TLN2: variants seen among roughly 807,000 people sequenced by gnomAD.
TLN2 encodes the protein talin 2.
TLN2 carries 118 observed loss-of-function variants against 294.7 expected under a neutral mutation model. That is an observed-to-expected ratio of 0.40 (90% confidence interval 0.34 to 0.47). The LOEUF (loss-of-function observed/expected upper bound fraction) is 0.47, where lower values mean the gene tolerates loss of function less well. Ranked by LOEUF, TLN2 falls within the 20% of genes least tolerant of loss-of-function variation. TLN2 has a pLI of 0.84. For missense variants in TLN2, 3,083 were observed against 3,282.2 expected (o/e 0.94, Z 1.48); for synonymous variants, 1,431 against 1,304.5 (o/e 1.10, Z -2.09).
At chr15:62,768,155 G>A (rs1266482963) in intron 41 of TLN2, among the ~76,000 whole-genome samples, 1 of 152,162 alleles carries the variant, frequency 6.6e-6, no homozygotes, top group African/African-American at 2.4e-5. Flanking sequence ...CAGCACCTGG[G>A]AGTGATAAGA....
rs914008998 is a variant in TLN2, at chr15:62,681,625, A to G, written c.958-5016A>G. ...AATTTACACCTGTGTGAGGAATAGT[A>G]GAAACTTATATGACCTTAGGGAAAG... On this transcript the variant is annotated intron_variant, in intron 11 of 58. Coordinates refer to ENST00000636159, the MANE Select transcript of TLN2 (RefSeq NM_015059.3). Among the ~76,000 whole-genome samples, 5 of 152,348 alleles carry G rather than the reference A, an allele frequency of 3.3e-5. No homozygotes were observed. The Middle Eastern group carries it at 0.01, about 311-fold the overall frequency.
intron 1 of TLN2, among the ~76,000 whole-genome samples, chr15:62,428,138 T>C (rs2034818851): frequency 6.6e-6 from 1 of 152,208 alleles, no homozygotes; most frequent in Non-Finnish European, 1.5e-5. Context: ...ATTTATTTAT[T>C]GGAAGACAAA....
Position 62,838,957 on chromosome 15 carries a change from C to T in TLN2, c.7476C>T (p.Thr2492=). The change falls in exon 58 of 59, where the codon ACC becomes ACT. Residue 2492 remains threonine (T), a synonymous_variant. Transcript: ENST00000636159. The part of the protein sequence containing the change: ...KADDDDVVVK[T]KFVGGIAQII... ...ATGACGACGATGTTGTAGTGAAAAC[C>T]AAGTTTGTGGGGGGCATTGCTCAGG... 6.2e-7 allele frequency: 1 copy of T among 1,614,070 alleles called. No individual in the cohort carries two copies. Among genetic ancestry groups the T allele is most frequent in the Non-Finnish European group, 8.5e-7 (1 of 1,179,976 alleles).
chr15:62,517,282 C>A (rs1018062900), intron 1 of TLN2, among the ~76,000 whole-genome samples: 1 of 152,192 alleles, frequency 6.6e-6, no homozygotes, highest in East Asian at 1.9e-4. Context: ...TGTCCTCTTC[C>A]TTTTCCTTCA....
At chr15:62,759,163 C>G (rs968874775) in intron 37 of TLN2, among the ~76,000 whole-genome samples, 3 of 152,198 alleles carry the variant, frequency 2.0e-5, no homozygotes, top group African/African-American at 7.2e-5. Flanking sequence ...TGAAATGTCA[C>G]CACTGGGCAG....
chr15:62,712,671 A>G (rs1296829187), intron 22 of TLN2, among the ~76,000 whole-genome samples: 5 of 152,198 alleles, frequency 3.3e-5, no homozygotes, highest in Admixed American at 1.3e-4. Context: ...TAAAATGCAC[A>G]TGCCTCAGTT....
intron 1 of TLN2, among the ~76,000 whole-genome samples, chr15:62,569,876 T>G (rs1462482052): frequency 6.6e-6 from 1 of 152,244 alleles, no homozygotes; most frequent in East Asian, 1.9e-4. Context: ...GGGTTATATT[T>G]CAGGGTTAAT....
intron 1 of TLN2, among the ~76,000 whole-genome samples, chr15:62,578,527 C>G: frequency 6.6e-6 from 1 of 152,282 alleles, no homozygotes; most frequent in East Asian, 1.9e-4. Context: ...GATTGCGCCA[C>G]TGCACCCCAG....
chr15:62,618,273 G>A (rs1320645003), intron 2 of TLN2, 78 bp from the exon 3 acceptor site: 5 of 152,184 alleles, frequency 3.3e-5, no homozygotes, highest in African/African-American at 9.7e-5. Context: ...CAACTTCAGT[G>A]ACTGTTTTCT....
At chr15:62,737,201 T>G in intron 29 of TLN2, 115 bp downstream of exon 29, 3 of 1,086,944 alleles carry the variant, frequency 2.8e-6, no homozygotes, top group Non-Finnish European at 4.0e-6. Context: ...GCAGATGTTT[T>G]CAGAAACTTC....
chr15:62,737,609 G>C (rs920067900), intron 29 of TLN2, among the ~76,000 whole-genome samples: 1 of 152,202 alleles, frequency 6.6e-6, no homozygotes, highest in African/African-American at 2.4e-5. Context: ...CACCTCCAAA[G>C]ACCTTCCTTT....
At chr15:62,703,090 A>G (rs976887491) in intron 19 of TLN2, among the ~76,000 whole-genome samples, 5 of 151,084 alleles carry the variant, frequency 3.3e-5, no homozygotes, top group African/African-American at 1.2e-4. Flanking sequence ...TAAAGCACGT[A>G]TTTAGCTTTC....
intron 57 of TLN2, among the ~76,000 whole-genome samples, chr15:62,837,457 A>C (rs947641810): frequency 2.6e-5 from 4 of 152,294 alleles, no homozygotes; most frequent in Non-Finnish European, 4.4e-5. Context: ...AGCCATCCAC[A>C]CTGACTCTTA....
chr15:62,719,864 G>T lies in TLN2; in HGVS notation c.2975G>T (p.Ser992Ile). The T allele has an allele frequency of 6.2e-7, 1 of 1,610,244 alleles. No homozygotes were observed. The highest frequency in any genetic ancestry group is 8.5e-7 in the Non-Finnish European group (1 of 1,178,154). Residue 992 changes from serine (S) to isoleucine (I), a missense_variant, in exon 25 of 59, where the codon AGC becomes ATC. Physicochemically the swap from Ser to Ile is moderately radical, Grantham distance 142. Transcript: ENST00000636159. ...LSAQLALIISSQNFLQPGSKM... is the reference protein window; with the variant it reads ...LSAQLALIISIQNFLQPGSKM... Reference sequence around the variant, plus strand: ...GCCCAGCTGGCTCTCATCATCTCCAGCCAGAACTTCCTCCAGGTAACAGGG... The same window carrying T: ...GCCCAGCTGGCTCTCATCATCTCCATCCAGAACTTCCTCCAGGTAACAGGG...
intron 3 of TLN2, among the ~76,000 whole-genome samples, chr15:62,622,730 A>T (rs1170247692): frequency 2.0e-5 from 3 of 152,134 alleles, no homozygotes; most frequent in Admixed American, 2.0e-4. Flanking sequence ...TAATATATAC[A>T]TTGATTTTGT....
chr15:62,415,668 C>T (rs2140262252), intron 1 of TLN2, among the ~76,000 whole-genome samples: 1 of 152,350 alleles, frequency 6.6e-6, no homozygotes, highest in South Asian at 2.1e-4. Flanking sequence ...AGGCCCGCTG[C>T]CAGGCGCTCC....
chr15:62,686,881 A>G (rs1283346199), intron 12 of TLN2, 85 bp downstream of exon 12: 7 of 1,535,110 alleles, frequency 4.6e-6, no homozygotes, highest in Middle Eastern at 2.4e-4. Flanking sequence ...ATTCTTGCCC[A>G]TTGGGTTTCT....
At chr15:62,398,731 A>C (rs959515912) in intron 1 of TLN2, among the ~76,000 whole-genome samples, 1 of 152,132 alleles carries the variant, frequency 6.6e-6, no homozygotes, top group African/African-American at 2.4e-5. Context: ...TGGAACTTTG[A>C]ATTTGAGAGA....
chr15:62,750,639 A>T, intron 34 of TLN2, 148 bp downstream of exon 34: 1 of 689,500 alleles, frequency 1.5e-6, no homozygotes, highest in Non-Finnish European at 2.5e-6. Flanking sequence ...CCCTTTGCTC[A>T]GGAGCTTCTC....
Sources: gnomAD v4.1 joint callset for allele counts (sites outside exome capture counted in the v4.1 genomes callset) on GRCh38, gnomAD v4.1.1 for gene constraint, MANE v1.5 for transcripts, NCBI Gene and HGNC (gene_info 2026-07-23, HGNC 2026-07-21) for gene names.